Variants in FAXC observed in about 807,000 individuals in gnomAD.
FAXC encodes failed axon connections homolog, metaxin like GST domain containing.
Under a neutral mutation model 41.9 loss-of-function variants are expected in FAXC, and 10 were observed. That is an observed-to-expected ratio of 0.24 (90% confidence interval 0.15 to 0.41). The LOEUF (loss-of-function observed/expected upper bound fraction) is 0.41. FAXC is among the 10% of genes least tolerant of loss of function. FAXC has a pLI of 1.00. For missense variants in FAXC, 399 were observed against 510.9 expected (o/e 0.78, Z 2.11); for synonymous variants, 183 against 183.8 (o/e 1.00, Z 0.03).
At chr6:99,338,209 A>G (rs1279234166) in intron 2 of FAXC, among the ~76,000 whole-genome samples, 1 of 152,228 alleles carries the variant, frequency 6.6e-6, no homozygotes, top group East Asian at 1.9e-4. Flanking sequence ...TTCACAGAAG[A>G]AAAACAGCCC....
chr6:99,336,605 C>T (rs1187510251), intron 2 of FAXC, among the ~76,000 whole-genome samples: 1 of 152,222 alleles, frequency 6.6e-6, no homozygotes, highest in Non-Finnish European at 1.5e-5. Flanking sequence ...TGCAGCCACA[C>T]ATATACTACA....
intron 1 of FAXC, among the ~76,000 whole-genome samples, chr6:99,344,293 G>C (rs906060809): frequency 3.3e-5 from 5 of 151,934 alleles, no homozygotes; most frequent in Admixed American, 2.0e-4. Context: ...CCCACTCCTC[G>C]GGACCCTTTT....
intron 4 of FAXC, among the ~76,000 whole-genome samples, chr6:99,313,196 G>C (rs1772213674): frequency 6.6e-6 from 1 of 152,218 alleles, no homozygotes; most frequent in Non-Finnish European, 1.5e-5. Flanking sequence ...GGGACGATGA[G>C]GCAGAAGGAT....
rs1002898854 is a variant in FAXC, at chr6:99,290,419, C to T, written c.940+1285G>A. On this transcript the variant is annotated intron_variant, in intron 5 of 5. Transcript: ENST00000389677. ...AAATTAACATAAATAATACTTTGGG[C>T]GGCCGGGCGTGGTGGCTCATGCCTG... 1.1e-4 allele frequency among the ~76,000 whole-genome samples: 16 copies of T among 152,028 alleles called. No individual in the cohort carries two copies. The South Asian group carries it at 2.1e-3, about 20-fold the overall frequency.
rs1165226733 is a variant in FAXC, at chr6:99,278,930, C to T, written c.*2234G>A. On this transcript the variant is annotated 3_prime_UTR_variant, in exon 6 of 6. Coordinates refer to ENST00000389677, the MANE Select transcript of FAXC (RefSeq NM_032511.4). ...CTTAATCATCCTTTGAGAGAAAATACATCACACTTGGTACTGTACAGTAAG... is the reference window on the plus strand; with the variant it reads ...CTTAATCATCCTTTGAGAGAAAATATATCACACTTGGTACTGTACAGTAAG... 6.6e-6 allele frequency: 1 copy of T among 152,198 alleles called. No homozygotes were observed. Among genetic ancestry groups the T allele is most frequent in the Non-Finnish European group, 1.5e-5 (1 of 68,030 alleles). The allele number at this position is 152,198 out of a possible 1,614,324, so 9.4% of individuals were successfully genotyped here.
intron 5 of FAXC, among the ~76,000 whole-genome samples, chr6:99,282,416 T>G (rs1770874323): frequency 6.6e-6 from 1 of 152,206 alleles, no homozygotes; most frequent in Admixed American, 6.5e-5. Context: ...TATGGATAAG[T>G]GTGCCTGCAA....
chr6:99,326,381 G>A (rs900570151), intron 3 of FAXC, among the ~76,000 whole-genome samples: 3 of 152,104 alleles, frequency 2.0e-5, no homozygotes, highest in Non-Finnish European at 4.4e-5. Flanking sequence ...AAGATTTATG[G>A]GTAAGGAGAA....
chr6:99,291,429 T>C (rs1771236507), intron 5 of FAXC, among the ~76,000 whole-genome samples: 1 of 152,178 alleles, frequency 6.6e-6, no homozygotes, highest in Admixed American at 6.5e-5. Flanking sequence ...TGTAAGCAGA[T>C]GGAAGAAAAG....
intron 4 of FAXC, among the ~76,000 whole-genome samples, chr6:99,302,776 CT>C (rs535570658): frequency 4.5e-4 from 69 of 152,220 alleles, no homozygotes; most frequent in Middle Eastern, 6.8e-3. Flanking sequence ...ATTTTGGGGG[CT>C]GCCTACCACA....
intron 4 of FAXC, chr6:99,309,809 T>C: frequency 1.6e-6 from 1 of 613,380 alleles, no homozygotes; most frequent in Non-Finnish European, 2.0e-6. Flanking sequence ...GACTCCGGTA[T>C]GAACTTGTAA....
intron 4 of FAXC, among the ~76,000 whole-genome samples, chr6:99,319,398 CA>C (rs57370118): frequency 0.061 from 2,926 of 47,608 alleles, 27 homozygotes; most frequent in African/African-American, 0.17. Flanking sequence ...GACTCCGTCT[CA>C]AAAAAAAAAA....
chr6:99,281,311 A>G lies in FAXC; in HGVS notation c.1083T>C (p.Phe361=). The change falls in exon 6 of 6, where the codon TTT becomes TTC. Residue 361 remains phenylalanine, a synonymous_variant. Coordinates refer to ENST00000389677, the MANE Select transcript of FAXC (RefSeq NM_032511.4). ...AGGTCTCTGTCCTTGAGTAAAAGCT[A>G]AAATCCAGCAGCGGGGTGTGGGTTT... is the stretch of plus-strand genomic sequence containing the variant. The part of the protein sequence containing the change: ...GSKTHTPLLD[F]SFYSRTETFE... The G allele has an allele frequency of 6.2e-7, 1 of 1,614,172 alleles. No individual in the cohort carries two copies. Among genetic ancestry groups the G allele is most frequent in the Non-Finnish European group, 8.5e-7 (1 of 1,180,002 alleles).
chr6:99,322,227 G>A (rs1004414697), intron 4 of FAXC, among the ~76,000 whole-genome samples: 10 of 152,150 alleles, frequency 6.6e-5, no homozygotes, highest in African/African-American at 1.4e-4. Context: ...CATAACTCCC[G>A]TAATGAAGCT....
chr6:99,324,181 C>A (rs191099070), intron 3 of FAXC, among the ~76,000 whole-genome samples: 60 of 142,420 alleles, frequency 4.2e-4, no homozygotes, highest in Admixed American at 2.0e-3. Flanking sequence ...TTTTACATTT[C>A]ATGACATAAA....
At chr6:99,321,828 C>T (rs1582665133) in intron 4 of FAXC, among the ~76,000 whole-genome samples, 1 of 152,206 alleles carries the variant, frequency 6.6e-6, no homozygotes, top group African/African-American at 2.4e-5. Flanking sequence ...AGGTGAAGGT[C>T]GCCCCTCTCT....
At chr6:99,340,834 A>G (rs1159513172) in intron 2 of FAXC, among the ~76,000 whole-genome samples, 3 of 151,838 alleles carry the variant, frequency 2.0e-5, no homozygotes, top group Non-Finnish European at 4.4e-5. Context: ...ACACCTGGCT[A>G]ATTTTCGTAT....
At chr6:99,337,388 T>G (rs1354981965) in intron 2 of FAXC, among the ~76,000 whole-genome samples, 1 of 152,222 alleles carries the variant, frequency 6.6e-6, no homozygotes, top group African/African-American at 2.4e-5. Flanking sequence ...TAAAAAGAAT[T>G]CTTTTGTGAA....
chr6:99,328,038 T>C (rs1772880191), intron 3 of FAXC, among the ~76,000 whole-genome samples: 1 of 151,944 alleles, frequency 6.6e-6, no homozygotes, highest in African/African-American at 2.4e-5. Flanking sequence ...CTTCTTAGAG[T>C]CATTCATTAA....
In FAXC at chr6:99,273,079, A is replaced by C. The variant is rs566026756; in HGVS notation, c.*8085T>G. 3 of 152,338 alleles carry C rather than the reference A, an allele frequency of 2.0e-5. No individual in the cohort carries two copies. The highest frequency in any genetic ancestry group is 4.8e-5 in the African/African-American group (2 of 41,578). The allele number at this position is 152,338 out of a possible 1,614,324, so 9.4% of individuals were successfully genotyped here. ...TTAAATATGGCTTTATAAACTACTA[A>C]TAACTCTGCTAAAGTAACTCATAGA... On this transcript the variant is annotated 3_prime_UTR_variant, in exon 6 of 6. Coordinates refer to ENST00000389677, the MANE Select transcript of FAXC (RefSeq NM_032511.4).
Sources: allele counts gnomAD v4.1 joint callset (sites outside exome capture counted in the v4.1 genomes callset), GRCh38; gene constraint gnomAD v4.1.1; transcripts MANE v1.5; gene names NCBI Gene and HGNC (gene_info 2026-07-23, HGNC 2026-07-21).